Variants in TNIP3 observed in about 807,000 individuals in gnomAD.
TNIP3 encodes TNFAIP3-interacting protein 3.
Under a neutral mutation model 54.1 loss-of-function variants are expected in TNIP3, and 34 were observed. That is an observed-to-expected ratio of 0.63 (90% CI 0.48 to 0.84). The LOEUF (loss-of-function observed/expected upper bound fraction) is 0.84, where lower values mean the gene tolerates loss of function less well. Among genes scored for constraint, TNIP3 ranks in the 40% least tolerant of loss-of-function variants. TNIP3 has a pLI of 0.00. For synonymous variants in TNIP3, 134 were observed against 136.8 expected (o/e 0.98, Z 0.14); for missense variants, 366 against 387.6 (o/e 0.94, Z 0.47).
intron 1 of TNIP3, among the ~76,000 whole-genome samples, chr4:121,222,389 G>C (rs1401980342): frequency 6.6e-6 from 1 of 152,054 alleles, no homozygotes; most frequent in Non-Finnish European, 1.5e-5. Flanking sequence ...AGGATGATTG[G>C]GTTTAGAGTC....
chr4:121,145,295 C>G (rs1358939359), intron 7 of TNIP3, among the ~76,000 whole-genome samples: 1 of 152,062 alleles, frequency 6.6e-6, no homozygotes, highest in Admixed American at 6.5e-5. Context: ...GTAAATGAGA[C>G]TTTAAAAAAA....
chr4:121,205,010 C>G (rs1222787417), intron 2 of TNIP3, among the ~76,000 whole-genome samples: 1 of 152,084 alleles, frequency 6.6e-6, no homozygotes, highest in Admixed American at 6.6e-5. Flanking sequence ...TGGTTCTTGA[C>G]TGATTTTTCA....
intron 3 of TNIP3, among the ~76,000 whole-genome samples, chr4:121,178,835 C>A (rs1261691252): frequency 1.3e-5 from 2 of 152,118 alleles, no homozygotes; most frequent in African/African-American, 4.8e-5. Context: ...GATTTTTATA[C>A]CTTCATGGAA....
chr4:121,142,052 C>T, intron 8 of TNIP3, 138 bp from the exon 9 acceptor site: 1 of 506,522 alleles, frequency 2.0e-6, no homozygotes, highest in Non-Finnish European at 3.5e-6. Context: ...AAATAGTAAA[C>T]ATGTCAATAG....
Position 121,161,223 on chromosome 4 carries a change from A to G in TNIP3, c.67-7T>C, listed in dbSNP as rs1321693514. On this transcript the variant is annotated splice_region_variant and splice_polypyrimidine_tract_variant and intron_variant, in intron 1 of 10. Coordinates refer to ENST00000057513, the MANE Select transcript of TNIP3 (RefSeq NM_024873.6). ...TTGTTGATGGTTCAGCACACTTAGA[A>G]AAAAAAAAAGAGAGAAGATTGAAAC... is the stretch of plus-strand genomic sequence containing the variant. The G allele has an allele frequency of 2.6e-6, 4 of 1,535,248 alleles. No homozygotes were observed. Among genetic ancestry groups the G allele is most frequent in the Non-Finnish European group, 3.5e-6 (4 of 1,138,824 alleles).
chr4:121,163,182 T>C (rs137857546), intron 1 of TNIP3, among the ~76,000 whole-genome samples: 126 of 151,778 alleles, frequency 8.3e-4, no homozygotes, highest in African/African-American at 3.0e-3. Flanking sequence ...ATAGAAAACA[T>C]AGTGACTAGG....
chr4:121,219,364 C>T (rs561403785), upstream of TNIP3, among the ~76,000 whole-genome samples: 1 of 152,252 alleles, frequency 6.6e-6, no homozygotes, highest in South Asian at 2.1e-4. Context: ...TTAAGGAATT[C>T]CTATACTGCT....
At chr4:121,204,236 CAA>C (rs1726057189) in intron 2 of TNIP3, among the ~76,000 whole-genome samples, 1 of 152,136 alleles carries the variant, frequency 6.6e-6, no homozygotes, top group Non-Finnish European at 1.5e-5. Context: ...CCAATCTATT[CAA>C]AGTCACCCCT....
At chr4:121,224,854 T>C (rs1022025438) in intron 1 of TNIP3, among the ~76,000 whole-genome samples, 1 of 152,094 alleles carries the variant, frequency 6.6e-6, no homozygotes, top group Non-Finnish European at 1.5e-5. Context: ...AGTAAAGAGT[T>C]TGGGGGAAAA....
chr4:121,196,025 T>G lies in TNIP3; in HGVS notation c.69-13229A>C, dbSNP rs187599582. ...TGGCAGGATTCATGGAGCCAGGCACTGCATTAAACACCACACGCTTGATTT... is the reference window on the plus strand; with the variant it reads ...TGGCAGGATTCATGGAGCCAGGCACGGCATTAAACACCACACGCTTGATTT... On this transcript the variant is annotated intron_variant, in intron 2 of 12. Coordinates refer to the TNIP3 transcript ENST00000507879. 3.3e-5 allele frequency among the ~76,000 whole-genome samples: 5 copies of G among 152,348 alleles called. No individual in the cohort carries two copies. The South Asian group carries it at 8.3e-4, about 25-fold the overall frequency.
intron 10 of TNIP3, among the ~76,000 whole-genome samples, chr4:121,133,339 C>T (rs183550543): frequency 8.4e-4 from 128 of 152,306 alleles, no homozygotes; most frequent in African/African-American, 2.8e-3. Flanking sequence ...GCTAAACTAA[C>T]ATTTTGGTAA....
At chr4:121,150,276 T>C (rs961075415) in intron 5 of TNIP3, 57 bp from the exon 6 acceptor site, 16 of 1,098,032 alleles carry the variant, frequency 1.5e-5, no homozygotes, top group Admixed American at 9.9e-5. Flanking sequence ...GAATGAATTC[T>C]TTTATAATTG....
At chr4:121,216,616 G>T (rs1726805743) in exon 1 of TNIP3, 1 of 1,470,350 alleles carries the variant, frequency 6.8e-7, no homozygotes, top group Non-Finnish European at 9.0e-7. Context: ...CAAAAGCCAT[G>T]TTTTTATTCT....
intron 3 of TNIP3, among the ~76,000 whole-genome samples, chr4:121,173,596 C>T (rs553283445): frequency 6.6e-6 from 1 of 152,180 alleles, no homozygotes; most frequent in Non-Finnish European, 1.5e-5. Flanking sequence ...TTCTCTTGTA[C>T]TTTGCTCATG....
chr4:121,133,793 G>GT (rs1728618777), intron 10 of TNIP3, among the ~76,000 whole-genome samples: 1 of 152,130 alleles, frequency 6.6e-6, no homozygotes, highest in South Asian at 2.1e-4. Context: ...TAACTGGTGT[G>GT]TGTGTAAGAA....
intron 8 of TNIP3, 143 bp downstream of exon 8, chr4:121,142,583 T>C (rs1729185418): frequency 1.4e-6 from 1 of 728,074 alleles, no homozygotes; most frequent in Non-Finnish European, 2.4e-6. Flanking sequence ...AAGCACTGTC[T>C]ATCCGTTGAT....
At chr4:121,207,843 G>C (rs559769454) in intron 2 of TNIP3, among the ~76,000 whole-genome samples, 1 of 152,276 alleles carries the variant, frequency 6.6e-6, no homozygotes, top group Non-Finnish European at 1.5e-5. Flanking sequence ...GATATGGTTT[G>C]GCTGTGTCCT....
At chr4:121,182,092 C>T (rs569115879) in intron 3 of TNIP3, among the ~76,000 whole-genome samples, 3 of 151,888 alleles carry the variant, frequency 2.0e-5, no homozygotes, top group Admixed American at 6.5e-5. Flanking sequence ...GGGAGGATTA[C>T]AGAGTTTAAG....
chr4:121,162,730 C>T (rs561833631), intron 1 of TNIP3, among the ~76,000 whole-genome samples: 43 of 152,278 alleles, frequency 2.8e-4, no homozygotes, highest in African/African-American at 9.6e-4. Context: ...CATAGAGCAT[C>T]CTGAACAATG....
Sources: allele counts gnomAD v4.1 joint callset (sites outside exome capture counted in the v4.1 genomes callset), GRCh38; gene constraint gnomAD v4.1.1; transcripts MANE v1.5; gene names NCBI Gene and HGNC (gene_info 2026-07-23, HGNC 2026-07-21).